Variants in DAB1 observed in about 807,000 individuals in gnomAD.
The protein encoded by DAB1 is disabled homolog 1.
In DAB1, 15 loss-of-function variants were observed where a neutral mutation model predicts 64.6. The observed-to-expected ratio is 0.23, with a 90% CI of 0.16 to 0.36. The LOEUF is 0.36. Among genes scored for constraint, DAB1 ranks in the 10% least tolerant of loss-of-function variants. DAB1 has a pLI of 1.00. For missense variants in DAB1, 596 were observed against 706.7 expected, an observed-to-expected ratio of 0.84 and a Z score of 1.78; for synonymous variants, 235 against 251.9, an observed-to-expected ratio of 0.93 and a Z score of 0.64.
chr1:58,230,541 T>C (rs1659728266), intron 4 of DAB1, among the ~76,000 whole-genome samples: 1 of 152,186 alleles, frequency 6.6e-6, no homozygotes, highest in Non-Finnish European at 1.5e-5. Flanking sequence ...GTCAGCTGGC[T>C]TGACCACTAA....
At chr1:57,958,859 G>A (rs968081596) in intron 5 of DAB1, among the ~76,000 whole-genome samples, 2 of 152,096 alleles carry the variant, frequency 1.3e-5, no homozygotes, top group Non-Finnish European at 2.9e-5. Flanking sequence ...AAGGATGCCA[G>A]TCTTATTAAA....
At chr1:57,254,523 G>A (rs1558032413) in intron 2 of DAB1, among the ~76,000 whole-genome samples, 1 of 152,128 alleles carries the variant, frequency 6.6e-6, no homozygotes, top group Non-Finnish European at 1.5e-5. Context: ...TTCTTGTTTG[G>A]TGTATATTTC....
chr1:57,169,020 C>T (rs771928989), intron 2 of DAB1, among the ~76,000 whole-genome samples: 2 of 152,066 alleles, frequency 1.3e-5, no homozygotes, highest in Admixed American at 1.3e-4. Context: ...CATGCCACTG[C>T]ACTCCAGCCT....
intron 4 of DAB1, among the ~76,000 whole-genome samples, chr1:58,168,788 G>A (rs1367202922): frequency 6.6e-6 from 1 of 152,104 alleles, no homozygotes; most frequent in Non-Finnish European, 1.5e-5. Context: ...CTCCCTCAGG[G>A]TATGGACCTC....
At chr1:57,281,481 AATT>A (rs1241429920) in intron 2 of DAB1, among the ~76,000 whole-genome samples, 2 of 152,228 alleles carry the variant, frequency 1.3e-5, no homozygotes, top group African/African-American at 4.8e-5. Flanking sequence ...AGGGAACTGC[AATT>A]GATTCAGTGG....
intron 3 of DAB1, among the ~76,000 whole-genome samples, chr1:58,492,723 T>C (rs896453555): frequency 2.0e-5 from 3 of 152,106 alleles, no homozygotes; most frequent in Non-Finnish European, 2.9e-5. Context: ...CAGGAAGAAG[T>C]TGAATCTCTG....
At chr1:57,428,300 C>G (rs11207031), upstream of DAB1, among the ~76,000 whole-genome samples, 4,957 of 152,258 alleles carry the variant, frequency 0.033, 89 homozygotes, top group South Asian at 0.057. Context: ...TACCCTTTAA[C>G]CAAAATCCCC....
At chr1:57,655,333 A>G (rs556602508) in intron 6 of DAB1, among the ~76,000 whole-genome samples, 9 of 151,730 alleles carry the variant, frequency 5.9e-5, no homozygotes, top group Non-Finnish European at 1.0e-4. Context: ...TCCACCCTAC[A>G]TACTTCATCA....
At chr1:57,635,024 T>G (rs553812842) in intron 7 of DAB1, among the ~76,000 whole-genome samples, 1 of 152,222 alleles carries the variant, frequency 6.6e-6, no homozygotes, top group South Asian at 2.1e-4. Context: ...TCAGCATCTC[T>G]GAGATGGGAG....
intron 6 of DAB1, among the ~76,000 whole-genome samples, chr1:57,798,255 A>G (rs577824431): frequency 6.6e-6 from 1 of 152,320 alleles, no homozygotes; most frequent in African/African-American, 2.4e-5. Flanking sequence ...CAGAGACACA[A>G]AGCAGAGAGC....
chr1:57,974,694 C>G (rs1469600537), intron 5 of DAB1, among the ~76,000 whole-genome samples: 1 of 152,108 alleles, frequency 6.6e-6, no homozygotes, highest in Non-Finnish European at 1.5e-5. Context: ...CATACATACC[C>G]ATGGCCCACA....
At chr1:57,324,142 G>A (rs900981061) in intron 1 of DAB1, among the ~76,000 whole-genome samples, 1 of 152,162 alleles carries the variant, frequency 6.6e-6, no homozygotes, top group Non-Finnish European at 1.5e-5. Context: ...AGATTAAAAC[G>A]TTTCAAATTA....
intron 5 of DAB1, among the ~76,000 whole-genome samples, chr1:58,077,142 AC>A (rs779786457): frequency 1.3e-4 from 20 of 152,132 alleles, no homozygotes; most frequent in African/African-American, 4.8e-4. Flanking sequence ...ATAAAAAAAA[AC>A]AATAACAATG....
chr1:57,861,732 C>G (rs1288820431), intron 1 of DAB1, among the ~76,000 whole-genome samples: 1 of 149,244 alleles, frequency 6.7e-6, no homozygotes, highest in Non-Finnish European at 1.5e-5. Flanking sequence ...ATTATATCAT[C>G]AATAATTACT....
intron 4 of DAB1, among the ~76,000 whole-genome samples, chr1:58,166,169 A>G (rs1442413868): frequency 2.0e-5 from 3 of 152,152 alleles, no homozygotes; most frequent in Non-Finnish European, 4.4e-5. Flanking sequence ...CTATTGAGAT[A>G]TAATCTACAC....
chr1:57,972,209 ATAAACATCAT>A (rs1645813949), intron 5 of DAB1, among the ~76,000 whole-genome samples: 1 of 152,198 alleles, frequency 6.6e-6, no homozygotes, highest in Non-Finnish European at 1.5e-5. Flanking sequence ...AGTTGGGAGA[ATAAACATCAT>A]TAAAATTTAT....
At chr1:57,987,489 A>C (rs75449757) in intron 5 of DAB1, among the ~76,000 whole-genome samples, 1,774 of 152,336 alleles carry the variant, frequency 0.012, 35 homozygotes, top group African/African-American at 0.041. Flanking sequence ...ACCAAGTAGC[A>C]CAGCTGAGAT....
chr1:57,424,869 C>T (rs1685214448), upstream of DAB1, among the ~76,000 whole-genome samples: 1 of 152,184 alleles, frequency 6.6e-6, no homozygotes, highest in Admixed American at 6.5e-5. Context: ...CCACGGTTAA[C>T]TCCGGCTTAC....
At chr1:58,082,430 A>AAG (rs556240254) in intron 5 of DAB1, among the ~76,000 whole-genome samples, 4,081 of 152,168 alleles carry the variant, frequency 0.027, 178 homozygotes, top group African/African-American at 0.094. Context: ...AAATAAAAAA[A>AAG]AAAAGACAAA....
Sources: gnomAD v4.1 joint callset for allele counts (sites outside exome capture counted in the v4.1 genomes callset) on GRCh38, gnomAD v4.1.1 for gene constraint, MANE v1.5 for transcripts, NCBI Gene and HGNC (gene_info 2026-07-23, HGNC 2026-07-21) for gene names.